The following SEMA3B variants were observed in gnomAD, a reference collection of about 807,000 sequenced individuals.
SEMA3B encodes the protein semaphorin-3B.
Under a neutral mutation model 77.8 loss-of-function variants are expected in SEMA3B, and 71 were observed. That is an observed-to-expected ratio of 0.91 (90% CI 0.75 to 1.11). The LOEUF (loss-of-function observed/expected upper bound fraction) is 1.11, where lower values mean the gene tolerates loss of function less well. Ranked by LOEUF, SEMA3B falls within the 50% of genes most tolerant of loss-of-function variation. The probability of loss-of-function intolerance (pLI) is 0.00; values close to 1 mark genes in which losing one functional copy is unlikely to be tolerated. For synonymous variants in SEMA3B, 470 were observed against 452.9 expected, an observed-to-expected ratio of 1.04 and a Z score of -0.48; for missense variants, 968 against 1,056.8, an observed-to-expected ratio of 0.92 and a Z score of 1.17.
the SEMA3B span, chr3:50,260,228 A>C: frequency 1.3e-5 from 2 of 152,254 alleles, no homozygotes; most frequent in Non-Finnish European, 2.9e-5. Flanking sequence ...GCCGCTGGAC[A>C]CAAAGGCAGC....
rs1553706818 is a variant in SEMA3B, at chr3:50,276,508, C to T, written c.2052C>T (p.Gly684=). Residue 684 remains glycine, a synonymous_variant, in exon 17 of 17, where the codon GGC becomes GGT. Transcript: ENST00000616701. This position sits in a 1 kb window ranked among gnomAD's most constrained non-coding sequence, Gnocchi z 5.8. The part of the protein sequence containing the change: ...AEEAAPAAPP[G]PKLWYRDFLQ... Reference sequence around the variant, plus strand: ...AGGCTGCGCCCGCCGCGCCGCCGGGCCCCAAACTCTGGTACCGGGACTTTC... The same window carrying T: ...AGGCTGCGCCCGCCGCGCCGCCGGGTCCCAAACTCTGGTACCGGGACTTTC... 6.5e-7 allele frequency: 1 copy of T among 1,532,482 alleles called. No homozygotes were observed. The highest frequency in any genetic ancestry group is 2.5e-5 in the East Asian group (1 of 40,554). 94.9% of individuals were successfully genotyped at this position (1,532,482 alleles called of 1,614,324 possible). A position where few individuals can be genotyped will look rare whatever the true frequency, so the allele number is the denominator to read the frequency against.
Position 50,269,479 on chromosome 3 carries a change from G to A in SEMA3B, c.109+130G>A. On this transcript the variant is annotated intron_variant, in intron 1 of 16. Transcript: ENST00000616701. This position sits in a 1 kb window ranked among gnomAD's most constrained non-coding sequence, Gnocchi z 4.0. ...GTCACCAGACTCTGGTAGGATTAGTGGGCACTCTCAGGCCACCTCCAGTTA... is the reference window on the plus strand; with the variant it reads ...GTCACCAGACTCTGGTAGGATTAGTAGGCACTCTCAGGCCACCTCCAGTTA... 3.2e-6 allele frequency: 2 copies of A among 623,790 alleles called. No individual in the cohort carries two copies. The highest frequency in any genetic ancestry group is 5.5e-6 in the Non-Finnish European group (2 of 364,306). 38.6% of individuals were successfully genotyped at this position (623,790 alleles called of 1,614,324 possible).
chr3:50,263,916 G>A (rs1553704210), upstream of SEMA3B, among the ~76,000 whole-genome samples: 2 of 152,020 alleles, frequency 1.3e-5, no homozygotes, highest in African/African-American at 4.8e-5. Flanking sequence ...GTACTGAGGT[G>A]GCCGGGAGCG....
rs1700981771 is a variant in SEMA3B, at chr3:50,269,324, C to T, written c.84C>T (p.Pro28=). 6.6e-7 allele frequency: 1 copy of T among 1,516,834 alleles called. No homozygotes were observed. Among genetic ancestry groups the T allele is most frequent in the East Asian group, 2.5e-5 (1 of 40,710 alleles). The allele number at this position is 1,516,834 out of a possible 1,614,324, so 94.0% of individuals were successfully genotyped here. ...GGCTGGGGAGTGCCGCCCCCAGCCCCCCACGCCTTCGGCTCTCCTTCCAAG... is the reference window on the plus strand; with the variant it reads ...GGCTGGGGAGTGCCGCCCCCAGCCCTCCACGCCTTCGGCTCTCCTTCCAAG... ...AVGLGSAAPS[P]PRLRLSFQEL... is the part of the protein sequence containing the mutation. Residue 28 remains proline (P), a synonymous_variant, in exon 1 of 17, where the codon CCC becomes CCT. Transcript: ENST00000616701. The surrounding 1 kb of genome is among the most constrained non-coding windows in gnomAD (Gnocchi z 4.0).
At position 50,273,484 on chromosome 3, in the gene SEMA3B, C is replaced by T. The variant is rs1217251574; in HGVS notation, c.810+41C>T. ...GCCACACCCGGCGACCCTGCCCCTA[C>T]CCCTTTGCCTGCCCTGGTCTCGCCC... On this transcript the variant is annotated intron_variant, in intron 7 of 16. Coordinates refer to ENST00000616701, the MANE Select transcript of SEMA3B (RefSeq NM_001290060.2). The surrounding 1 kb of genome is among the most constrained non-coding windows in gnomAD (Gnocchi z 6.5). 6.2e-7 allele frequency: 1 copy of T among 1,609,830 alleles called. No individual in the cohort carries two copies.
Position 50,270,125 on chromosome 3 carries a change from A to G in SEMA3B, c.110-2A>G. 1.3e-6 allele frequency: 2 copies of G among 1,547,662 alleles called. No homozygotes were observed. ...AGTCATCAGCAGTGTCCTGCCCTGCAGAGCTCCAGGCCTGGCATGGTCTCC... is the reference window on the plus strand; with the variant it reads ...AGTCATCAGCAGTGTCCTGCCCTGCGGAGCTCCAGGCCTGGCATGGTCTCC... On this transcript the variant is annotated splice_acceptor_variant, in intron 1 of 16. Coordinates refer to ENST00000616701, the MANE Select transcript of SEMA3B (RefSeq NM_001290060.2). LOFTEE classifies it high-confidence loss of function. This position sits in a 1 kb window ranked among gnomAD's most constrained non-coding sequence, Gnocchi z 4.7.
At chr3:50,271,334 C>T in intron 5 of SEMA3B, 27 bp from the exon 6 acceptor site, 1 of 1,557,082 alleles carries the variant, frequency 6.4e-7, no homozygotes, top group South Asian at 1.2e-5. Context: ...CCTCCATTTG[C>T]CTGAGTGGCC....
chr3:50,273,291 C>T lies in SEMA3B; in HGVS notation c.665-7C>T, dbSNP rs377632280. ...ACCCGCTGACCCATGCCTCCTGCCG[C>T]GGTCAGAGCCCAAGTTTGTCAAGGT... On this transcript the variant is annotated splice_region_variant and splice_polypyrimidine_tract_variant and intron_variant, in intron 6 of 16. Coordinates refer to ENST00000616701, the MANE Select transcript of SEMA3B (RefSeq NM_001290060.2). The surrounding 1 kb of genome is among the most constrained non-coding windows in gnomAD (Gnocchi z 6.5). 4.7e-5 allele frequency: 76 copies of T among 1,612,164 alleles called. No individual in the cohort carries two copies. The highest frequency in any genetic ancestry group is 5.6e-5 in the Non-Finnish European group (66 of 1,179,078).
At position 50,269,334 on chromosome 3, in the gene SEMA3B, C is replaced by G; in HGVS notation, c.94C>G (p.Arg32Gly). 1 of 1,508,670 alleles carries G rather than the reference C, an allele frequency of 6.6e-7. No individual in the cohort carries two copies. The highest frequency in any genetic ancestry group is 1.4e-5 in the African/African-American group (1 of 71,114). 93.5% of individuals were successfully genotyped at this position (1,508,670 alleles called of 1,614,324 possible). The change falls in exon 1 of 17, where the codon CGG becomes GGG. Residue 32 changes from arginine to glycine, a missense_variant. Physicochemically the swap from Arg to Gly is moderately radical, Grantham distance 125. Coordinates refer to ENST00000616701, the MANE Select transcript of SEMA3B (RefSeq NM_001290060.2). The surrounding 1 kb of genome is among the most constrained non-coding windows in gnomAD (Gnocchi z 4.0). ...GSAAPSPPRL[R>G]LSFQELQAWH... ...TGCCGCCCCCAGCCCCCCACGCCTTCGGCTCTCCTTCCAAGGTAGGTGCAC... is the reference window on the plus strand; with the variant it reads ...TGCCGCCCCCAGCCCCCCACGCCTTGGGCTCTCCTTCCAAGGTAGGTGCAC...
Position 50,270,906 on chromosome 3 carries a change from TC to T in SEMA3B, c.348del (p.Phe116LeufsTer2). On this transcript the variant is annotated frameshift_variant, in exon 4 of 17. Coordinates refer to ENST00000616701, the MANE Select transcript of SEMA3B (RefSeq NM_001290060.2). LOFTEE classifies it high-confidence loss of function. The surrounding 1 kb of genome is among the most constrained non-coding windows in gnomAD (Gnocchi z 4.7). ...CCCTACTAGACTGAGTGCATGAACT[TC>T]GTGAAGTTGCTGCATGCCTACAACC... ...GKDIGTECMN[F>X]VKLLHAYNRT... 6.2e-7 allele frequency: 1 copy of T among 1,608,320 alleles called. No homozygotes were observed. Among genetic ancestry groups the T allele is most frequent in the Admixed American group, 1.7e-5 (1 of 59,180 alleles).
In SEMA3B at chr3:50,275,588, G is replaced by C. The variant is rs782707670; in HGVS notation, c.1678G>C (p.Gly560Arg). 5.0e-6 allele frequency: 8 copies of C among 1,613,708 alleles called. No individual in the cohort carries two copies. The highest frequency in any genetic ancestry group is 6.8e-6 in the Non-Finnish European group (8 of 1,179,884). The change falls in exon 15 of 17, where the codon GGC becomes CGC. Residue 560 changes from glycine (G) to arginine (R), a missense_variant. Coordinates refer to ENST00000616701, the MANE Select transcript of SEMA3B (RefSeq NM_001290060.2). This position sits in a 1 kb window ranked among gnomAD's most constrained non-coding sequence, Gnocchi z 7.5. ...GTTCCGGCGGCAAGACGTAAGGAAT[G>C]GCGACCCCAGCACGTTGTGCTCCGG... is the stretch of plus-strand genomic sequence containing the variant. The part of the protein sequence containing the change: ...RRFRRQDVRN[G>R]DPSTLCSGDS...
Position 50,269,981 on chromosome 3 carries a change from C to T in SEMA3B, c.110-146C>T, listed in dbSNP as rs1038511206. 15 of 851,318 alleles carry T rather than the reference C, an allele frequency of 1.8e-5. No homozygotes were observed. Among genetic ancestry groups the T allele is most frequent in the Middle Eastern group, 3.7e-4 (1 of 2,710 alleles). The allele number at this position is 851,318 out of a possible 1,614,324, so 52.7% of individuals were successfully genotyped here. The stretch of plus-strand genomic sequence containing the variant: ...GTGCACCTGGGTGGGCTTGGGTTTG[C>T]GTGTGTAAACTCACACACATGTAAA... On this transcript the variant is annotated intron_variant, in intron 1 of 16. Coordinates refer to ENST00000616701, the MANE Select transcript of SEMA3B (RefSeq NM_001290060.2). The surrounding 1 kb of genome is among the most constrained non-coding windows in gnomAD (Gnocchi z 4.0).
upstream of SEMA3B, among the ~76,000 whole-genome samples, chr3:50,266,210 G>A (rs935445973): frequency 6.6e-6 from 1 of 152,178 alleles, no homozygotes; most frequent in African/African-American, 2.4e-5. Context: ...GTGGAAAGCT[G>A]TAAACAGCCA....
Position 50,276,417 on chromosome 3 carries a change from C to A in SEMA3B, c.1961C>A (p.Pro654Gln), listed in dbSNP as rs1553706753. The A allele has an allele frequency of 1.3e-6, 2 of 1,536,542 alleles. No individual in the cohort carries two copies. Among genetic ancestry groups the A allele is most frequent in the Middle Eastern group, 3.4e-4 (2 of 5,962 alleles). The change falls in exon 17 of 17, where the codon CCG becomes CAG. Residue 654 changes from proline to glutamine, a missense_variant. Physicochemically the swap from Pro to Gln is moderately conservative, Grantham distance 76 (BLOSUM62 -1). Transcript: ENST00000616701. The surrounding 1 kb of genome is among the most constrained non-coding windows in gnomAD (Gnocchi z 5.8). ...CAAVEQGFTQ[P>Q]LRRLSLHVLS... ...GCCGTCGAGCAGGGCTTTACGCAAC[C>A]GCTGCGTCGCCTGTCGCTGCACGTG... is the stretch of plus-strand genomic sequence containing the variant.
At chr3:50,272,129 G>T (rs1290309922) in intron 6 of SEMA3B, among the ~76,000 whole-genome samples, 1 of 152,018 alleles carries the variant, frequency 6.6e-6, no homozygotes, top group Non-Finnish European at 1.5e-5. Flanking sequence ...TTAGCTGGGG[G>T]CAGTGGCATG....
rs1318671433 is a variant in SEMA3B, at chr3:50,276,094, C to T, written c.1846-208C>T. The T allele has an allele frequency of 1.0e-5, 8 of 766,828 alleles. No individual in the cohort carries two copies. In the African/African-American group the frequency reaches 1.3e-4, roughly 12 times the overall value. The allele number at this position is 766,828 out of a possible 1,614,324, so 47.5% of individuals were successfully genotyped here. A position where few individuals can be genotyped will look rare whatever the true frequency, so the allele number is the denominator to read the frequency against. ...ATTAAGGTCCCTGACCACCCCCCAC[C>T]AAGTTCATGTAAACCCCGCCTCTTT... On this transcript the variant is annotated intron_variant, in intron 16 of 16. Transcript: ENST00000616701. This position sits in a 1 kb window ranked among gnomAD's most constrained non-coding sequence, Gnocchi z 5.8.
rs1405035375 is a variant in SEMA3B at position 50,276,280 on chromosome 3, T to G, written c.1846-22T>G. On this transcript the variant is annotated intron_variant, in intron 16 of 16. Coordinates refer to ENST00000616701, the MANE Select transcript of SEMA3B (RefSeq NM_001290060.2). This position sits in a 1 kb window ranked among gnomAD's most constrained non-coding sequence, Gnocchi z 5.8. ...CTGTTCCCGGCCCGACACCCCCGCC[T>G]CACGCTGCCCTCTGCCCGCAGGTGC... The G allele has an allele frequency of 2.1e-6, 3 of 1,459,734 alleles. No individual in the cohort carries two copies. In the East Asian group the frequency reaches 7.9e-5, roughly 38 times the overall value. The allele number at this position is 1,459,734 out of a possible 1,614,324, so 90.4% of individuals were successfully genotyped here.
In SEMA3B at chr3:50,273,421, C is replaced by A. The variant is rs1701114368; in HGVS notation, c.788C>A (p.Ser263Tyr). ...CCGGCACTGGGACGCCTGTCCGTGT[C>A]CCGCGTTGGCCAGATCTGCCGGGTG... ...AAPALGRLSVSRVGQICRNDV... is the reference protein window; with the variant it reads ...AAPALGRLSVYRVGQICRNDV... Residue 263 changes from serine (S) to tyrosine (Y), a missense_variant, in exon 7 of 17, where the codon TCC (serine) becomes TAC (tyrosine). Physicochemically the swap from Ser to Tyr is moderately radical, Grantham distance 144 (BLOSUM62 -2). Transcript: ENST00000616701. The surrounding 1 kb of genome is among the most constrained non-coding windows in gnomAD (Gnocchi z 6.5). 2 of 1,613,564 alleles carry A rather than the reference C, an allele frequency of 1.2e-6. No individual in the cohort carries two copies. Among genetic ancestry groups the A allele is most frequent in the Admixed American group, 1.7e-5 (1 of 60,010 alleles).
Position 50,275,732 on chromosome 3 carries a change from A to G in SEMA3B, c.1733A>G (p.His578Arg), listed in dbSNP as rs1701213899. The G allele has an allele frequency of 6.2e-7, 1 of 1,613,196 alleles. No individual in the cohort carries two copies. Among genetic ancestry groups the G allele is most frequent in the Admixed American group, 1.7e-5 (1 of 59,962 alleles). Residue 578 changes from histidine to arginine, a missense_variant, in exon 16 of 17, where the codon CAC becomes CGC. Transcript: ENST00000616701. This position sits in a 1 kb window ranked among gnomAD's most constrained non-coding sequence, Gnocchi z 7.5. ...TCGTCTCGTCCCGCGCTGCTGGAAC[A>G]CAAGGTGTTCGGCGTGGAGGGCAGC... is the stretch of plus-strand genomic sequence containing the variant. Reference protein sequence around the residue: ...GDSSRPALLEHKVFGVEGSSA... With the variant: ...GDSSRPALLERKVFGVEGSSA...
Sources: allele counts gnomAD v4.1 joint callset (sites outside exome capture counted in the v4.1 genomes callset), GRCh38; gene constraint gnomAD v4.1.1; non-coding constraint Gnocchi (gnomAD v3.1); transcripts MANE v1.5; gene names NCBI Gene and HGNC (gene_info 2026-07-23, HGNC 2026-07-21).